GRM8: variants seen among roughly 807,000 people sequenced by gnomAD.
The protein encoded by GRM8 is glutamate metabotropic receptor 8.
In GRM8, 47 loss-of-function variants were observed where a neutral mutation model predicts 87.2. The ratio of observed to expected loss-of-function variants is 0.54; its 90% CI spans 0.43 to 0.69. The LOEUF (loss-of-function observed/expected upper bound fraction) is 0.69. Ranked by LOEUF, GRM8 falls within the 30% of genes least tolerant of loss-of-function variation. The pLI is 0.00. For synonymous variants in GRM8, 396 were observed against 404.5 expected, an observed-to-expected ratio of 0.98 and a Z score of 0.25; for missense variants, 1,019 against 1,139.2, an observed-to-expected ratio of 0.89 and a Z score of 1.52.
intron 3 of GRM8, among the ~76,000 whole-genome samples, chr7:126,948,431 C>T (rs1807781506): frequency 1.4e-5 from 2 of 147,544 alleles, no homozygotes; most frequent in African/African-American, 5.1e-5. Flanking sequence ...GATATGCTTC[C>T]ATCTAGGATG....
At chr7:126,825,346 A>G (rs563156199) in intron 6 of GRM8, among the ~76,000 whole-genome samples, 33 of 152,266 alleles carry the variant, frequency 2.2e-4, no homozygotes, top group East Asian at 1.4e-3. Flanking sequence ...GATTACAGGC[A>G]TGAGCCACTA....
At chr7:126,661,714 C>T (rs1220850106) in intron 7 of GRM8, among the ~76,000 whole-genome samples, 1 of 152,162 alleles carries the variant, frequency 6.6e-6, no homozygotes, top group Non-Finnish European at 1.5e-5. Context: ...TTCGTCATGC[C>T]TCCTTCTTTG....
chr7:126,745,466 A>G (rs536600063), intron 7 of GRM8, among the ~76,000 whole-genome samples: 6 of 146,804 alleles, frequency 4.1e-5, no homozygotes, highest in Non-Finnish European at 9.1e-5. Context: ...ATCTGTGTGT[A>G]TATGTCCAAC....
At chr7:126,853,950 G>C (rs1797455933) in intron 6 of GRM8, among the ~76,000 whole-genome samples, 1 of 152,184 alleles carries the variant, frequency 6.6e-6, no homozygotes, top group South Asian at 2.1e-4. Context: ...CCCATCAGTG[G>C]AAGTTGTGGT....
At chr7:126,716,550 C>T (rs1414297472) in intron 7 of GRM8, among the ~76,000 whole-genome samples, 4 of 152,126 alleles carry the variant, frequency 2.6e-5, no homozygotes, top group Non-Finnish European at 1.5e-5. Flanking sequence ...TGATGCATCA[C>T]TCAGGATTCC....
chr7:126,738,408 T>C (rs1298317117), intron 7 of GRM8, among the ~76,000 whole-genome samples: 1 of 152,084 alleles, frequency 6.6e-6, no homozygotes, highest in East Asian at 1.9e-4. Context: ...AGATATTTCA[T>C]TACCGGTGAA....
chr7:126,583,941 T>A (rs185959462), intron 8 of GRM8, among the ~76,000 whole-genome samples: 1 of 152,328 alleles, frequency 6.6e-6, no homozygotes, highest in East Asian at 1.9e-4. Flanking sequence ...CAGTATCATA[T>A]GCTGCAGATA....
At chr7:126,789,672 G>A (rs574610532) in intron 6 of GRM8, among the ~76,000 whole-genome samples, 65 of 152,180 alleles carry the variant, frequency 4.3e-4, no homozygotes, top group African/African-American at 1.6e-3. Flanking sequence ...GCAGAAATAC[G>A]AAAAATGCTC....
chr7:126,901,389 A>G (rs1262925462), intron 6 of GRM8, among the ~76,000 whole-genome samples: 1 of 152,094 alleles, frequency 6.6e-6, no homozygotes, highest in African/African-American at 2.4e-5. Flanking sequence ...ATCTGAACAC[A>G]TCTGTTCATT....
chr7:126,731,945 CAG>C (rs1255436335), intron 7 of GRM8, among the ~76,000 whole-genome samples: 4 of 151,846 alleles, frequency 2.6e-5, no homozygotes, highest in Non-Finnish European at 5.9e-5. Context: ...AGAATTCTAA[CAG>C]ATAATATATA....
intron 9 of GRM8, among the ~76,000 whole-genome samples, chr7:126,450,946 T>G (rs1179165785): frequency 6.6e-6 from 1 of 151,856 alleles, no homozygotes; most frequent in African/African-American, 2.4e-5. Flanking sequence ...CAAGACAAGC[T>G]TCATGGGTGT....
At chr7:126,800,034 T>C (rs1379903600) in intron 6 of GRM8, among the ~76,000 whole-genome samples, 1 of 152,136 alleles carries the variant, frequency 6.6e-6, no homozygotes, top group Non-Finnish European at 1.5e-5. Flanking sequence ...CAACTTACTT[T>C]ACAAAATCAG....
intron 9 of GRM8, among the ~76,000 whole-genome samples, chr7:126,454,731 G>A (rs1187826037): frequency 6.6e-6 from 1 of 151,538 alleles, no homozygotes; most frequent in Non-Finnish European, 1.5e-5. Context: ...ATAAGGAGAA[G>A]AAATTAGGAC....
At chr7:127,050,980 G>A (rs1032006995) in intron 3 of GRM8, among the ~76,000 whole-genome samples, 1 of 152,098 alleles carries the variant, frequency 6.6e-6, no homozygotes, top group Non-Finnish European at 1.5e-5. Context: ...ACAAAAGCTT[G>A]CAAATTCCAA....
chr7:126,500,006 G>A (rs550979086), intron 9 of GRM8, among the ~76,000 whole-genome samples: 21 of 151,942 alleles, frequency 1.4e-4, no homozygotes, highest in East Asian at 1.9e-4. Flanking sequence ...ACATATATAC[G>A]TAGAAAGATC....
At chr7:127,170,190 C>G (rs1000532982) in intron 2 of GRM8, among the ~76,000 whole-genome samples, 2 of 152,112 alleles carry the variant, frequency 1.3e-5, no homozygotes, top group Non-Finnish European at 2.9e-5. Flanking sequence ...ATGGAACAGA[C>G]AGTTCTCAAA....
intron 3 of GRM8, among the ~76,000 whole-genome samples, chr7:127,034,991 T>C (rs1202586134): frequency 6.6e-6 from 1 of 152,152 alleles, no homozygotes; most frequent in Admixed American, 6.5e-5. Context: ...AGCATGGTCA[T>C]AAACGAAAGC....
intron 3 of GRM8, among the ~76,000 whole-genome samples, chr7:126,996,478 A>T (rs1813186530): frequency 1.3e-5 from 2 of 152,044 alleles, no homozygotes; most frequent in African/African-American, 4.8e-5. Context: ...AAATGAACTA[A>T]ACTCTGTAAT....
chr7:126,517,521 A>T (rs1812355765), intron 9 of GRM8, among the ~76,000 whole-genome samples: 1 of 152,078 alleles, frequency 6.6e-6, no homozygotes, highest in Non-Finnish European at 1.5e-5. Context: ...GCTTATAAAC[A>T]CTATACCATG....
Sources: allele counts gnomAD v4.1 joint callset (sites outside exome capture counted in the v4.1 genomes callset), GRCh38; gene constraint gnomAD v4.1.1; transcripts MANE v1.5; gene names NCBI Gene and HGNC (gene_info 2026-07-23, HGNC 2026-07-21).